The following RAP1GDS1 variants were observed in gnomAD, a reference collection of about 807,000 sequenced individuals.
RAP1GDS1 encodes RAP1, GTP-GDP dissociation stimulator 1.
In RAP1GDS1, 35 loss-of-function variants were observed where a neutral mutation model predicts 71.1. The ratio of observed to expected loss-of-function variants is 0.49; its 90% CI spans 0.38 to 0.65. The LOEUF is 0.65. Ranked by LOEUF, RAP1GDS1 falls within the 30% of genes least tolerant of loss-of-function variation. RAP1GDS1 has a pLI of 0.00. For synonymous variants in RAP1GDS1, 229 were observed against 243.1 expected, an observed-to-expected ratio of 0.94 and a Z score of 0.54; for missense variants, 663 against 706.1, an observed-to-expected ratio of 0.94 and a Z score of 0.69.
chr4:98,318,433 T>C (rs1731266301), intron 2 of RAP1GDS1, among the ~76,000 whole-genome samples: 2 of 152,186 alleles, frequency 1.3e-5, no homozygotes, highest in South Asian at 4.1e-4. Context: ...TGATAAAATA[T>C]TATTAGAACA....
chr4:98,358,560 A>G (rs1020734611), intron 4 of RAP1GDS1, among the ~76,000 whole-genome samples: 3 of 151,896 alleles, frequency 2.0e-5, no homozygotes, highest in Non-Finnish European at 4.4e-5. Context: ...GTGTTGTGTG[A>G]TATATCCAAG....
chr4:98,282,070 C>CT (rs1018950296), intron 1 of RAP1GDS1, among the ~76,000 whole-genome samples: 24 of 152,190 alleles, frequency 1.6e-4, no homozygotes, highest in Admixed American at 1.3e-3. Flanking sequence ...CTAAAATTCT[C>CT]TTTTTTTGTT....
At chr4:98,399,184 G>A (rs983657961) in intron 6 of RAP1GDS1, among the ~76,000 whole-genome samples, 5 of 152,078 alleles carry the variant, frequency 3.3e-5, no homozygotes, top group Non-Finnish European at 5.9e-5. Context: ...TGTATAAGAC[G>A]TCAGAACACA....
intron 2 of RAP1GDS1, among the ~76,000 whole-genome samples, chr4:98,299,680 G>A (rs923665521): frequency 6.6e-6 from 1 of 151,536 alleles, no homozygotes; most frequent in Non-Finnish European, 1.5e-5. Flanking sequence ...TGTCGCCCAG[G>A]CTGGAATGCA....
chr4:98,361,330 G>A (rs1383555558), intron 4 of RAP1GDS1, among the ~76,000 whole-genome samples: 1 of 151,714 alleles, frequency 6.6e-6, no homozygotes, highest in Non-Finnish European at 1.5e-5. Context: ...AACAATTGGA[G>A]TAATAAATTG....
chr4:98,296,477 T>C (rs1424760338), intron 2 of RAP1GDS1, among the ~76,000 whole-genome samples: 1 of 152,018 alleles, frequency 6.6e-6, no homozygotes, highest in East Asian at 1.9e-4. Context: ...GAATACTTAC[T>C]AGATTTTATG....
intron 2 of RAP1GDS1, among the ~76,000 whole-genome samples, chr4:98,314,819 A>G (rs966702027): frequency 5.9e-5 from 9 of 152,320 alleles, no homozygotes; most frequent in Non-Finnish European, 8.8e-5. Flanking sequence ...TCAAAGTGTC[A>G]CAGAGGGGAT....
intron 12 of RAP1GDS1, among the ~76,000 whole-genome samples, chr4:98,425,489 C>T (rs1218233421): frequency 6.6e-6 from 1 of 152,098 alleles, no homozygotes; most frequent in Non-Finnish European, 1.5e-5. Context: ...CTTTAAGAGA[C>T]TTACCCAACA....
chr4:98,432,888 A>G (rs1203405413), intron 12 of RAP1GDS1, among the ~76,000 whole-genome samples: 9 of 152,224 alleles, frequency 5.9e-5, no homozygotes. Context: ...CTAGAAATAA[A>G]GGTGAACATT....
At chr4:98,378,339 A>G (rs1741483243) in intron 4 of RAP1GDS1, among the ~76,000 whole-genome samples, 1 of 151,940 alleles carries the variant, frequency 6.6e-6, no homozygotes, top group South Asian at 2.1e-4. Context: ...TCACTTGACC[A>G]CTTTTTGTAA....
intron 2 of RAP1GDS1, among the ~76,000 whole-genome samples, chr4:98,297,253 A>G (rs1727916554): frequency 6.6e-6 from 1 of 152,150 alleles, no homozygotes; most frequent in South Asian, 2.1e-4. Context: ...GTAATTTGCT[A>G]GCCCTTGTTC....
intron 2 of RAP1GDS1, among the ~76,000 whole-genome samples, chr4:98,328,319 A>C (rs1733443486): frequency 6.6e-6 from 1 of 152,234 alleles, no homozygotes; most frequent in African/African-American, 2.4e-5. Flanking sequence ...CAAGTGAAAA[A>C]AAGTAGCATT....
chr4:98,323,235 C>G (rs1310407064), intron 2 of RAP1GDS1, among the ~76,000 whole-genome samples: 2 of 147,238 alleles, frequency 1.4e-5, no homozygotes, highest in East Asian at 2.0e-4. Flanking sequence ...GAAGTTGAAT[C>G]TCTGAATAGA....
At chr4:98,371,201 C>T (rs1740327391) in intron 4 of RAP1GDS1, among the ~76,000 whole-genome samples, 1 of 150,464 alleles carries the variant, frequency 6.6e-6, no homozygotes, top group African/African-American at 2.5e-5. Flanking sequence ...CAGGCTTCAT[C>T]TCCCGGGTTC....
At chr4:98,357,393 A>T (rs1738118202) in intron 4 of RAP1GDS1, among the ~76,000 whole-genome samples, 1 of 151,940 alleles carries the variant, frequency 6.6e-6, no homozygotes. Flanking sequence ...AAAGTACATC[A>T]TGTGTATAAG....
intron 2 of RAP1GDS1, among the ~76,000 whole-genome samples, chr4:98,328,056 A>G (rs2110359444): frequency 6.6e-6 from 1 of 152,342 alleles, no homozygotes. Flanking sequence ...AAAGACAACT[A>G]ATTAAATAAT....
intron 12 of RAP1GDS1, among the ~76,000 whole-genome samples, chr4:98,426,175 G>A (rs1031501936): frequency 2.0e-5 from 3 of 151,916 alleles, no homozygotes; most frequent in African/African-American, 7.2e-5. Flanking sequence ...TCTTTGAACT[G>A]AACAATAAAT....
At chr4:98,370,379 A>G (rs190352381) in intron 4 of RAP1GDS1, among the ~76,000 whole-genome samples, 4 of 152,278 alleles carry the variant, frequency 2.6e-5, no homozygotes, top group East Asian at 1.9e-4. Context: ...AAATCTACCT[A>G]TTGTGGATTC....
intron 14 of RAP1GDS1, among the ~76,000 whole-genome samples, chr4:98,438,892 C>G (rs1393263977): frequency 6.6e-6 from 1 of 152,034 alleles, no homozygotes; most frequent in Admixed American, 6.6e-5. Context: ...TGAGCCACCA[C>G]GCCCAGCCTC....
Sources: gnomAD v4.1 joint callset for allele counts (sites outside exome capture counted in the v4.1 genomes callset) on GRCh38, gnomAD v4.1.1 for gene constraint, MANE v1.5 for transcripts, NCBI Gene and HGNC (gene_info 2026-07-23, HGNC 2026-07-21) for gene names.